Variants in CRAMP1 observed in about 807,000 individuals in gnomAD.
CRAMP1 encodes the protein protein cramped-like.
A neutral mutation model predicts 115.4 loss-of-function variants in CRAMP1; 50 were observed. That is an observed-to-expected ratio of 0.43 (90% CI 0.35 to 0.55). The LOEUF (loss-of-function observed/expected upper bound fraction) is 0.55, where lower values mean the gene tolerates loss of function less well. Ranked by LOEUF, CRAMP1 falls within the 20% of genes least tolerant of loss-of-function variation. The pLI, the probability that CRAMP1 is intolerant of heterozygous loss-of-function variation, is 0.01. For missense variants in CRAMP1, 1,679 were observed against 1,721.7 expected (o/e 0.98, Z 0.44); for synonymous variants, 866 against 745.4 (o/e 1.16, Z -2.64).
intron 6 of CRAMP1, among the ~76,000 whole-genome samples, chr16:1,649,614 C>T (rs1033177076): frequency 1.3e-5 from 2 of 151,972 alleles, no homozygotes; most frequent in Non-Finnish European, 2.9e-5. Context: ...CTCAGCCTCC[C>T]GAGTAGCTGG....
chr16:1,617,025 C>T (rs1160626516), intron 2 of CRAMP1, among the ~76,000 whole-genome samples: 2 of 151,884 alleles, frequency 1.3e-5, no homozygotes, highest in South Asian at 2.1e-4. Flanking sequence ...GGGGTTTCAC[C>T]GTGTTAGCCA....
chr16:1,618,305 A>C (rs1419284021), intron 2 of CRAMP1, among the ~76,000 whole-genome samples: 2 of 152,148 alleles, frequency 1.3e-5, no homozygotes, highest in East Asian at 3.9e-4. Flanking sequence ...TAAATATAAA[A>C]ATAAACACCT....
At chr16:1,631,511 T>C (rs2036548119) in intron 3 of CRAMP1, among the ~76,000 whole-genome samples, 1 of 152,236 alleles carries the variant, frequency 6.6e-6, no homozygotes. Flanking sequence ...ACCTGGGCGC[T>C]AAGGATGCTG....
rs140839924 is a variant in CRAMP1 at position 1,667,320 on chromosome 16, G to A, written c.3037-15G>A. 7 of 1,612,032 alleles carry A rather than the reference G, an allele frequency of 4.3e-6. No individual in the cohort carries two copies. The highest frequency in any genetic ancestry group is 5.9e-6 in the Non-Finnish European group (7 of 1,178,996). On this transcript the variant is annotated splice_polypyrimidine_tract_variant and intron_variant, in intron 16 of 20. Coordinates refer to ENST00000397412, the MANE Select transcript of CRAMP1 (RefSeq NM_020825.4). ...GTGCACCCTGCGGCTGCTCATGGGCGTGCTCTTCCTGCAGGGCTCCGACCC... is the reference window on the plus strand; with the variant it reads ...GTGCACCCTGCGGCTGCTCATGGGCATGCTCTTCCTGCAGGGCTCCGACCC...
intron 6 of CRAMP1, among the ~76,000 whole-genome samples, chr16:1,649,174 G>C (rs1204163209): frequency 6.6e-6 from 1 of 152,198 alleles, no homozygotes; most frequent in Non-Finnish European, 1.5e-5. Flanking sequence ...GTGAGGGCAT[G>C]GAAGTTTTTT....
intron 18 of CRAMP1, 142 bp downstream of exon 18, chr16:1,668,335 T>A (rs961969688): frequency 7.3e-6 from 5 of 683,706 alleles, no homozygotes; most frequent in Admixed American, 7.2e-5. Flanking sequence ...GCTGCCTGTC[T>A]CCAGCAGGGA....
intron 6 of CRAMP1, among the ~76,000 whole-genome samples, chr16:1,650,753 G>A (rs2036715659): frequency 1.3e-5 from 2 of 152,222 alleles, no homozygotes; most frequent in East Asian, 1.9e-4. Context: ...TATAGAAGCA[G>A]CAACTCTCCT....
chr16:1,644,037 A>G (rs1232467514), intron 6 of CRAMP1, among the ~76,000 whole-genome samples: 1 of 152,230 alleles, frequency 6.6e-6, no homozygotes, highest in African/African-American at 2.4e-5. Context: ...TGGCAAAAGA[A>G]AAGGTGAGCT....
intron 4 of CRAMP1, among the ~76,000 whole-genome samples, chr16:1,636,374 A>G (rs1352659185): frequency 6.6e-6 from 1 of 151,088 alleles, no homozygotes; most frequent in East Asian, 1.9e-4. Flanking sequence ...TCTGTCTCAA[A>G]AAAAAAAAAA....
rs530251818 is a variant in CRAMP1, at chr16:1,619,579, A to G, written c.346+4594A>G. On this transcript the variant is annotated intron_variant, in intron 2 of 20. Transcript: ENST00000397412. Reference sequence around the variant, plus strand: ...TTAGTTGGGATATCTTGCAATACCTACAGGATACAATTAGAAAATCTGCTG... The same window carrying G: ...TTAGTTGGGATATCTTGCAATACCTGCAGGATACAATTAGAAAATCTGCTG... Among the ~76,000 whole-genome samples, 441 of 152,332 alleles carry G rather than the reference A, an allele frequency of 2.9e-3. 1 individual carries two copies. The highest frequency in any genetic ancestry group is 6.8e-3 in the Middle Eastern group (2 of 294).
intron 6 of CRAMP1, among the ~76,000 whole-genome samples, chr16:1,641,656 TC>T (rs2036633217): frequency 1.3e-5 from 2 of 152,114 alleles, no homozygotes; most frequent in Non-Finnish European, 2.9e-5. Context: ...CACACCTGAC[TC>T]CCAGAGGGCA....
chr16:1,632,433 T>G (rs2036554488), intron 4 of CRAMP1, 68 bp downstream of exon 4: 29 of 1,465,242 alleles, frequency 2.0e-5, no homozygotes, highest in Non-Finnish European at 2.6e-5. Flanking sequence ...AGAGCGCAGC[T>G]TCCAGCAAGC....
chr16:1,665,959 C>T (rs2036870616), intron 14 of CRAMP1, 114 bp from the exon 15 acceptor site: 1 of 690,028 alleles, frequency 1.4e-6, no homozygotes, highest in Non-Finnish European at 2.6e-6. Flanking sequence ...TCCAGCTTGG[C>T]TCGGCTCCCA....
At chr16:1,644,968 C>G (rs1017646179) in intron 6 of CRAMP1, among the ~76,000 whole-genome samples, 1 of 151,864 alleles carries the variant, frequency 6.6e-6, no homozygotes, top group East Asian at 1.9e-4. Flanking sequence ...TCCCAAAGCA[C>G]TGATATTACA....
chr16:1,621,956 C>G (rs1048396445), intron 2 of CRAMP1, among the ~76,000 whole-genome samples: 2 of 152,146 alleles, frequency 1.3e-5, no homozygotes, highest in Non-Finnish European at 2.9e-5. Context: ...TCCCATTTTT[C>G]TTGTTGCTTC....
At chr16:1,630,279 G>A (rs535454523) in intron 3 of CRAMP1, among the ~76,000 whole-genome samples, 1 of 152,122 alleles carries the variant, frequency 6.6e-6, no homozygotes, top group East Asian at 1.9e-4. Flanking sequence ...AGCCTCCCAC[G>A]TAGCTAGGAC....
intron 8 of CRAMP1, among the ~76,000 whole-genome samples, chr16:1,653,390 C>T (rs965846992): frequency 6.6e-5 from 10 of 152,302 alleles, no homozygotes; most frequent in South Asian, 2.1e-4. Flanking sequence ...GGGGATGTCG[C>T]GGTGAGAAGA....
intron 8 of CRAMP1, among the ~76,000 whole-genome samples, chr16:1,653,820 C>CAA (rs113112609): frequency 2.1e-4 from 12 of 58,118 alleles, no homozygotes; most frequent in African/African-American, 4.0e-4. Context: ...GACTCTGTCT[C>CAA]AAAAAAAAAA....
At chr16:1,643,526 G>T (rs1237845262) in intron 6 of CRAMP1, among the ~76,000 whole-genome samples, 3 of 151,588 alleles carry the variant, frequency 2.0e-5, no homozygotes, top group Non-Finnish European at 4.4e-5. Flanking sequence ...GGGTGACAGA[G>T]GAAGACTTTG....
Sources: gnomAD v4.1 joint callset for allele counts (sites outside exome capture counted in the v4.1 genomes callset) on GRCh38, gnomAD v4.1.1 for gene constraint, MANE v1.5 for transcripts, NCBI Gene and HGNC (gene_info 2026-07-23, HGNC 2026-07-21) for gene names.